The following SLC22A15 variants were observed in gnomAD, a reference collection of about 807,000 sequenced individuals.
SLC22A15 encodes flipt 1.
Under a neutral mutation model 62.7 loss-of-function variants are expected in SLC22A15, and 45 were observed. The ratio of observed to expected loss-of-function variants is 0.72; its 90% CI spans 0.56 to 0.92. SLC22A15 has a LOEUF of 0.92. SLC22A15 is among the 40% of genes least tolerant of loss of function. The pLI is 0.00. For missense variants in SLC22A15, 622 were observed against 665.6 expected (o/e 0.93, Z 0.72); for synonymous variants, 264 against 267.0 (o/e 0.99, Z 0.11).
chr1:116,024,022 G>GC (rs1292020311), intron 4 of SLC22A15, among the ~76,000 whole-genome samples: 7 of 152,170 alleles, frequency 4.6e-5, no homozygotes, highest in Admixed American at 3.3e-4. Context: ...TGAGGAATTT[G>GC]TTTTTTACTT....
chr1:115,981,082 G>A (rs780508506), intron 1 of SLC22A15, among the ~76,000 whole-genome samples: 3 of 152,054 alleles, frequency 2.0e-5, no homozygotes, highest in Non-Finnish European at 2.9e-5. Context: ...CTGCTTATAC[G>A]TGGCACCATG....
chr1:116,020,556 AAAAAAAAAACAAAAAAAC>A (rs1656773870), intron 3 of SLC22A15, among the ~76,000 whole-genome samples, 147 bp from the exon 4 acceptor site: 1 of 143,214 alleles, frequency 7.0e-6, no homozygotes, highest in African/African-American at 2.5e-5. Context: ...ACTCCATCTC[AAAAAAAAAACAAAAAAAC>A]AAAAAAAAAC....
At chr1:116,034,580 T>G (rs1657562799) in intron 6 of SLC22A15, among the ~76,000 whole-genome samples, 1 of 152,182 alleles carries the variant, frequency 6.6e-6, no homozygotes, top group South Asian at 2.1e-4. Context: ...TGACCTTTAA[T>G]TTTTCTTTCC....
In SLC22A15 at chr1:116,045,508, G is replaced by A. The variant is rs191140018; in HGVS notation, c.1171+8120G>A. Among the ~76,000 whole-genome samples the A allele has an allele frequency of 5.3e-3, 805 of 151,808 alleles. 2 individuals carry two copies. Among genetic ancestry groups the A allele is most frequent in the Middle Eastern group, 0.01 (3 of 294 alleles). ...AATCCCAGCACTTTGGGAGGCTGAG[G>A]TGGGTGGGTCTCCTGAGGTCAGGAG... On this transcript the variant is annotated intron_variant, in intron 8 of 11. Coordinates refer to ENST00000369503, the MANE Select transcript of SLC22A15 (RefSeq NM_018420.3).
chr1:116,055,359 A>G lies in SLC22A15; in HGVS notation c.1172-7403A>G, dbSNP rs946128456. On this transcript the variant is annotated intron_variant, in intron 8 of 11. Coordinates refer to ENST00000369503, the MANE Select transcript of SLC22A15 (RefSeq NM_018420.3). ...ACCCTCCCAAGACTAAACCAGGAAG[A>G]AGTTGAATCTCTGAATAGACCAATA... Among the ~76,000 whole-genome samples, 190 of 151,770 alleles carry G rather than the reference A, an allele frequency of 1.3e-3. 1 individual carries two copies. The highest frequency in any genetic ancestry group is 8.7e-3 in the South Asian group (42 of 4,808).
chr1:116,057,343 A>G (rs1234015592), intron 8 of SLC22A15, among the ~76,000 whole-genome samples: 1 of 151,976 alleles, frequency 6.6e-6, no homozygotes, highest in Non-Finnish European at 1.5e-5. Context: ...AATGCAAATC[A>G]AAACCACAAT....
intron 4 of SLC22A15, among the ~76,000 whole-genome samples, chr1:116,025,879 A>C (rs1428899520): frequency 1.3e-5 from 2 of 152,208 alleles, no homozygotes; most frequent in African/African-American, 4.8e-5. Flanking sequence ...AATTTGCAAG[A>C]ATATTGGGCA....
intron 8 of SLC22A15, among the ~76,000 whole-genome samples, chr1:116,050,442 A>G (rs1208216170): frequency 6.6e-6 from 1 of 152,234 alleles, no homozygotes; most frequent in African/African-American, 2.4e-5. Flanking sequence ...GGTTTAACAC[A>G]TGCAAGTCAA....
intron 2 of SLC22A15, among the ~76,000 whole-genome samples, chr1:116,002,128 T>C (rs528179832): frequency 3.3e-5 from 5 of 152,366 alleles, no homozygotes; most frequent in African/African-American, 1.2e-4. Flanking sequence ...TTGGTTAAGA[T>C]CTGGGAGAAT....
At chr1:116,008,120 C>T (rs1178175659) in intron 2 of SLC22A15, among the ~76,000 whole-genome samples, 5 of 151,994 alleles carry the variant, frequency 3.3e-5, no homozygotes, top group South Asian at 2.1e-4. Context: ...GCACAGTGAC[C>T]GTGGGGAGAT....
chr1:116,058,044 A>T (rs1013138090), intron 8 of SLC22A15, among the ~76,000 whole-genome samples: 5 of 123,974 alleles, frequency 4.0e-5, no homozygotes, highest in Non-Finnish European at 7.3e-5. Flanking sequence ...GTACCCTAAA[A>T]CTTAAAGTAT....
At chr1:116,027,419 C>G (rs1318780037) in intron 5 of SLC22A15, 7 of 495,912 alleles carry the variant, frequency 1.4e-5, no homozygotes, top group South Asian at 8.6e-5. Flanking sequence ...AACTGTTCAT[C>G]CTACAGATTA....
At chr1:116,066,996 C>T (rs1658515000) in intron 11 of SLC22A15, 23 bp from the exon 12 acceptor site, 1 of 1,575,248 alleles carries the variant, frequency 6.3e-7, no homozygotes, top group African/African-American at 1.3e-5. Context: ...ATTTCACTGC[C>T]CTTTTCTTCT....
intron 8 of SLC22A15, among the ~76,000 whole-genome samples, chr1:116,046,509 T>C (rs780177921): frequency 1.4e-4 from 22 of 152,094 alleles, no homozygotes; most frequent in Non-Finnish European, 2.9e-4. Flanking sequence ...GAAATGGAAA[T>C]TGAAACCACA....
chr1:116,065,576 A>T (rs1236745355), intron 10 of SLC22A15, among the ~76,000 whole-genome samples: 2 of 151,394 alleles, frequency 1.3e-5, no homozygotes, highest in East Asian at 3.9e-4. Context: ...ATGGCTAGAG[A>T]TGAGAGATTC....
At chr1:116,044,483 G>T (rs905023626) in intron 8 of SLC22A15, among the ~76,000 whole-genome samples, 1 of 152,162 alleles carries the variant, frequency 6.6e-6, no homozygotes, top group Non-Finnish European at 1.5e-5. Flanking sequence ...CAGGAGAAAG[G>T]CCAGGATGTC....
intron 8 of SLC22A15, among the ~76,000 whole-genome samples, chr1:116,056,825 A>C (rs1414791137): frequency 6.6e-6 from 1 of 152,210 alleles, no homozygotes; most frequent in Non-Finnish European, 1.5e-5. Context: ...CTATTTAATA[A>C]ATGGTGCTGG....
chr1:116,058,052 T>TATA (rs71096859), intron 8 of SLC22A15, among the ~76,000 whole-genome samples: 100,623 of 147,066 alleles, frequency 0.68, 39,264 homozygotes, highest in East Asian at 0.88. Context: ...AAACTTAAAG[T>TATA]ATAATAATAA....
At chr1:115,976,839 G>A in intron 1 of SLC22A15, 125 bp downstream of exon 1, 1 of 714,076 alleles carries the variant, frequency 1.4e-6, no homozygotes, top group Non-Finnish European at 2.2e-6. Context: ...CCGAGGTGTG[G>A]CGAGCGTCGG....
Sources: allele counts gnomAD v4.1 joint callset (sites outside exome capture counted in the v4.1 genomes callset), GRCh38; gene constraint gnomAD v4.1.1; transcripts MANE v1.5; gene names NCBI Gene and HGNC (gene_info 2026-07-23, HGNC 2026-07-21).